The following KCNJ16 variants were observed in gnomAD, a reference collection of about 807,000 sequenced individuals.
The protein encoded by KCNJ16 is inward rectifier potassium channel 16.
KCNJ16 carries 15 observed loss-of-function variants against 18.5 expected under a neutral mutation model. The observed-to-expected ratio is 0.81, with a 90% CI of 0.54 to 1.25. KCNJ16 has a LOEUF of 1.25. Among genes scored for constraint, KCNJ16 ranks in the 50% most tolerant of loss-of-function variants. KCNJ16 has a pLI of 0.00. For synonymous variants in KCNJ16, 174 were observed against 186.5 expected (o/e 0.93, Z 0.55); for missense variants, 523 against 525.7 (o/e 0.99, Z 0.05).
rs1380824228 is a variant in KCNJ16 at position 70,131,861 on chromosome 17, A to C, written c.-93-134A>C. ...AAATTCTAAACTGAAATGAGTAATC[A>C]ATACTGTGCACCTAATGTTCAGATG... On this transcript the variant is annotated intron_variant, in intron 3 of 3. Transcript: ENST00000392671. The C allele has an allele frequency of 1.2e-5, 9 of 737,302 alleles. 1 individual carries two copies. The East Asian group carries it at 2.2e-4, about 18-fold the overall frequency. The allele number at this position is 737,302 out of a possible 1,614,324, so 45.7% of individuals were successfully genotyped here.
intron 2 of KCNJ16, among the ~76,000 whole-genome samples, chr17:70,112,604 A>C (rs8077550): frequency 0.012 from 1,862 of 152,226 alleles, 42 homozygotes; most frequent in African/African-American, 0.041. Context: ...CTTTTCATAA[A>C]TATTATCTAT....
intron 2 of KCNJ16, among the ~76,000 whole-genome samples, chr17:70,116,905 A>T (rs899909957): frequency 1.1e-4 from 17 of 152,342 alleles, no homozygotes; most frequent in African/African-American, 4.1e-4. Context: ...AGATTTCTCA[A>T]AGAACTTAAA....
intron 1 of KCNJ16, among the ~76,000 whole-genome samples, chr17:70,077,807 G>C (rs1242464663): frequency 6.6e-6 from 1 of 150,890 alleles, no homozygotes; most frequent in East Asian, 1.9e-4. Context: ...TATGGGAAAT[G>C]AAAGTAAACT....
At position 70,135,520 on chromosome 17, in the gene KCNJ16, A is replaced by G. The variant is rs1188624892; in HGVS notation, c.*2176A>G. On this transcript the variant is annotated 3_prime_UTR_variant, in exon 4 of 4. Transcript: ENST00000392671. ...TAAAATCAGCATTTCTATGTAACAT[A>G]TATCTCTAATTATCTGTGTAATTTT... 6.0e-6 allele frequency: 1 copy of G among 166,984 alleles called. No individual in the cohort carries two copies. Among genetic ancestry groups the G allele is most frequent in the African/African-American group, 2.4e-5 (1 of 41,438 alleles). 10.3% of individuals were successfully genotyped at this position (166,984 alleles called of 1,614,324 possible).
intron 2 of KCNJ16, among the ~76,000 whole-genome samples, chr17:70,127,437 G>C (rs2073893341): frequency 8.6e-6 from 1 of 116,656 alleles, no homozygotes; most frequent in African/African-American, 3.4e-5. Flanking sequence ...TAATTCTACG[G>C]CAAGGGCAAG....
intron 2 of KCNJ16, among the ~76,000 whole-genome samples, chr17:70,103,296 G>GTGTGTGTATATATATATATATA (rs1408960241): frequency 2.8e-5 from 2 of 72,050 alleles, no homozygotes; most frequent in African/African-American, 8.9e-5. Flanking sequence ...ATGTGTGTGT[G>GTGTGTGTATATATATATATATA]TATATATATA....
chr17:70,082,114 A>G (rs558285474), intron 1 of KCNJ16, among the ~76,000 whole-genome samples: 45 of 152,334 alleles, frequency 3.0e-4, no homozygotes, highest in African/African-American at 1.1e-3. Flanking sequence ...TGGGAAAGTC[A>G]AAGTCTAGCA....
At chr17:70,131,108 T>C in intron 3 of KCNJ16, 133 bp downstream of exon 3, 1 of 1,034,706 alleles carries the variant, frequency 9.7e-7, no homozygotes, top group South Asian at 1.4e-5. Context: ...AATTGTAGCG[T>C]GCTCCCTTTA....
rs540877245 is a variant in KCNJ16 at position 70,133,692 on chromosome 17, CAAGT to C, written c.*352_*355del. 140 of 198,918 alleles carry C rather than the reference CAAGT, an allele frequency of 7.0e-4. No individual in the cohort carries two copies. Among genetic ancestry groups the C allele is most frequent in the Admixed American group, 2.5e-3 (46 of 18,490 alleles). The allele number at this position is 198,918 out of a possible 1,614,324, so 12.3% of individuals were successfully genotyped here. On this transcript the variant is annotated 3_prime_UTR_variant, in exon 4 of 4. Coordinates refer to ENST00000392671, the MANE Select transcript of KCNJ16 (RefSeq NM_170741.4). ...TGGAATAAATAAAAATAAAAATAGA[CAAGT>C]AAGACAGCATAAATAATACATTTTT...
chr17:70,094,602 A>C (rs2072267486), intron 1 of KCNJ16, among the ~76,000 whole-genome samples: 1 of 143,896 alleles, frequency 6.9e-6, no homozygotes, highest in African/African-American at 2.6e-5. Context: ...CTTATTTATT[A>C]GTCAATGAGG....
At chr17:70,097,458 A>T (rs752792863) in intron 1 of KCNJ16, among the ~76,000 whole-genome samples, 7 of 152,152 alleles carry the variant, frequency 4.6e-5, no homozygotes, top group Admixed American at 2.0e-4. Flanking sequence ...TTAGAGGAGG[A>T]GGTCAGGAGC....
intron 1 of KCNJ16, among the ~76,000 whole-genome samples, chr17:70,087,271 A>C (rs2071846464): frequency 6.6e-6 from 1 of 152,168 alleles, no homozygotes; most frequent in African/African-American, 2.4e-5. Flanking sequence ...ACTAAGACTC[A>C]GGTAAATTAA....
intron 2 of KCNJ16, among the ~76,000 whole-genome samples, chr17:70,124,837 C>A (rs1405669656): frequency 6.6e-6 from 1 of 152,030 alleles, no homozygotes; most frequent in Admixed American, 6.5e-5. Context: ...TAAAGTAATA[C>A]ATAGCAAAGG....
At chr17:70,098,599 A>C (rs2072488940) in intron 1 of KCNJ16, among the ~76,000 whole-genome samples, 1 of 150,866 alleles carries the variant, frequency 6.6e-6, no homozygotes, top group African/African-American at 2.4e-5. Context: ...GTGTGTGTGC[A>C]TATAGATATT....
chr17:70,113,363 G>C (rs914433635), intron 2 of KCNJ16, among the ~76,000 whole-genome samples: 1 of 152,142 alleles, frequency 6.6e-6, no homozygotes, highest in African/African-American at 2.4e-5. Context: ...GCAGGGCTGT[G>C]GTTTACTTGG....
At chr17:70,129,607 G>C (rs552549224) in intron 2 of KCNJ16, among the ~76,000 whole-genome samples, 1 of 152,308 alleles carries the variant, frequency 6.6e-6, no homozygotes, top group East Asian at 1.9e-4. Context: ...GACCTAAACA[G>C]AATCTGAATG....
At chr17:70,091,968 T>C (rs1358043277) in intron 1 of KCNJ16, among the ~76,000 whole-genome samples, 1 of 152,194 alleles carries the variant, frequency 6.6e-6, no homozygotes, top group Non-Finnish European at 1.5e-5. Context: ...ATTTGCATTG[T>C]GTAAGCTAAG....
chr17:70,076,748 C>T (rs1360376766), intron 1 of KCNJ16, among the ~76,000 whole-genome samples: 2 of 151,842 alleles, frequency 1.3e-5, no homozygotes, highest in Non-Finnish European at 1.5e-5. Context: ...CAAGCTAAGA[C>T]CTGGATATAA....
chr17:70,078,302 A>C lies in KCNJ16; in HGVS notation c.-300+2912A>C, dbSNP rs1173295977. Among the ~76,000 whole-genome samples the C allele has an allele frequency of 3.3e-5, 5 of 152,170 alleles. No individual in the cohort carries two copies. The East Asian group carries it at 9.6e-4, about 29-fold the overall frequency. On this transcript the variant is annotated intron_variant, in intron 1 of 3. Coordinates refer to ENST00000392671, the MANE Select transcript of KCNJ16 (RefSeq NM_170741.4). ...GTGTATAAGAAAATTTTAAAAAGTC[A>C]ATCATCTGGGGAAAAAACAGTCCCA...
Sources: gnomAD v4.1 joint callset for allele counts (sites outside exome capture counted in the v4.1 genomes callset) on GRCh38, gnomAD v4.1.1 for gene constraint, MANE v1.5 for transcripts, NCBI Gene and HGNC (gene_info 2026-07-23, HGNC 2026-07-21) for gene names.